The following TCEA2 variants were observed in gnomAD, a reference collection of about 807,000 sequenced individuals.
The protein encoded by TCEA2 is transcription elongation factor A2.
TCEA2 carries 21 observed loss-of-function variants against 40.8 expected under a neutral mutation model. The observed-to-expected ratio is 0.51, with a 90% CI of 0.36 to 0.74. TCEA2 has a LOEUF of 0.74. Among genes scored for constraint, TCEA2 ranks in the 30% least tolerant of loss-of-function variants. TCEA2 has a pLI of 0.00. For synonymous variants in TCEA2, 165 were observed against 162.7 expected (o/e 1.01, Z -0.11); for missense variants, 326 against 426.5 (o/e 0.76, Z 2.08).
At chr20:64,059,740 G>C (rs774538256), upstream of TCEA2, among the ~76,000 whole-genome samples, 3 of 152,166 alleles carry the variant, frequency 2.0e-5, no homozygotes, top group African/African-American at 4.8e-5. Context: ...TACCGTGCTA[G>C]GGGATCTTTG....
Position 64,072,254 on chromosome 20 carries a change from A to G in TCEA2, c.*74A>G. ...CTCCGTTGACACAGCTTCTCTGGAG[A>G]CCCTAGAAGGCGGCATGTCCTGCCC... On this transcript the variant is annotated 3_prime_UTR_variant, in exon 10 of 10. Transcript: ENST00000343484. The G allele has an allele frequency of 6.5e-7, 1 of 1,547,928 alleles. No homozygotes were observed.
At chr20:64,069,545 C>T (rs527764237) in intron 5 of TCEA2, 54 bp downstream of exon 5, 182 of 1,589,280 alleles carry the variant, frequency 1.1e-4, no homozygotes, top group Non-Finnish European at 1.3e-4. Context: ...CAGGGTGGCC[C>T]GGGCCCCTGC....
rs753269642 is a variant in TCEA2, at chr20:64,072,226, G to A, written c.*46G>A. 2.4e-5 allele frequency: 38 copies of A among 1,597,048 alleles called. No homozygotes were observed. Among genetic ancestry groups the A allele is most frequent in the Middle Eastern group, 1.7e-4 (1 of 6,006 alleles). ...CAGCCTTGGGCCCTCCCCGGCCCAC[G>A]TCCTCCGTTGACACAGCTTCTCTGG... On this transcript the variant is annotated 3_prime_UTR_variant, in exon 10 of 10. Transcript: ENST00000343484.
At chr20:64,066,436 G>A (rs758174871) in intron 1 of TCEA2, 40 bp from the exon 2 acceptor site, 4 of 1,607,350 alleles carry the variant, frequency 2.5e-6, no homozygotes, top group Non-Finnish European at 2.6e-6. Flanking sequence ...TGTCTGTTGA[G>A]ATCTAAAGTC....
rs1350951518 is a variant in TCEA2, at chr20:64,066,985, C to T, written c.206C>T (p.Ala69Val). 1 of 1,613,748 alleles carries T rather than the reference C, an allele frequency of 6.2e-7. No homozygotes were observed. Among genetic ancestry groups the T allele is most frequent in the Non-Finnish European group, 8.5e-7 (1 of 1,179,866 alleles). The change falls in exon 3 of 10, where the codon GCC (alanine) becomes GTC (valine). Residue 69 changes from alanine to valine, a missense_variant. Physicochemically the swap from Ala to Val is moderately conservative, Grantham distance 64. Transcript: ENST00000343484. ...QSSDEEVIAL[A>V]KSLIKSWKKL... ...TCGGATGAGGAGGTCATTGCACTGGCCAAGTCTCTCATCAAGTCCTGGAAG... is the reference window on the plus strand; with the variant it reads ...TCGGATGAGGAGGTCATTGCACTGGTCAAGTCTCTCATCAAGTCCTGGAAG...
Position 64,072,153 on chromosome 20 carries a change from C to G in TCEA2, c.892-19C>G. 1 of 1,613,562 alleles carries G rather than the reference C, an allele frequency of 6.2e-7. No homozygotes were observed. Among genetic ancestry groups the G allele is most frequent in the Non-Finnish European group, 8.5e-7 (1 of 1,179,754 alleles). On this transcript the variant is annotated intron_variant, in intron 9 of 9. Transcript: ENST00000343484. ...CTCATGTGGCCACAAGGCTGGAGGC[C>G]TCACCCCCTTTCTCGCAGTTCTGCT...
At chr20:64,064,920 T>G (rs1601584753) in intron 1 of TCEA2, among the ~76,000 whole-genome samples, 4 of 84,666 alleles carry the variant, frequency 4.7e-5, no homozygotes, top group Admixed American at 1.8e-4. Context: ...AAGCTGTAGG[T>G]GGGAGAAGCA....
chr20:64,064,199 T>C (rs1411834454), intron 1 of TCEA2: 3 of 152,264 alleles, frequency 2.0e-5, no homozygotes, highest in African/African-American at 4.8e-5. Flanking sequence ...GGTGTGCTTA[T>C]ATAAGAGCCA....
chr20:64,066,124 T>G (rs1442484949), intron 1 of TCEA2: 3 of 196,080 alleles, frequency 1.5e-5, no homozygotes, highest in Non-Finnish European at 2.1e-5. Flanking sequence ...CTCTGAAGCC[T>G]CATGATTGGC....
At chr20:64,058,868 A>G (rs1332516016), upstream of TCEA2, among the ~76,000 whole-genome samples, 1 of 152,124 alleles carries the variant, frequency 6.6e-6, no homozygotes, top group African/African-American at 2.4e-5. This position sits in a 1 kb window ranked among gnomAD's most constrained non-coding sequence, Gnocchi z 6.7. Flanking sequence ...AACTGAACGA[A>G]CGACACCTTT....
At chr20:64,066,351 C>A in intron 1 of TCEA2, 125 bp from the exon 2 acceptor site, 1 of 1,259,276 alleles carries the variant, frequency 7.9e-7, no homozygotes, top group African/African-American at 1.5e-5. Flanking sequence ...ATTTTGGTTT[C>A]TTTTTGACCC....
rs753511707 is a variant in TCEA2, at chr20:64,068,077, G to T, written c.272G>T (p.Gly91Val). The change falls in exon 4 of 10, where the codon GGG becomes GTG. Residue 91 changes from glycine to valine, a missense_variant. Transcript: ENST00000343484. ...DASDAKARER[G>V]RGMPLPTSSR... Reference sequence around the variant, plus strand: ...TCCGATGCCAAAGCCAGGGAGCGGGGGAGGGGCATGCCTCTGCCCACGTCC... The same window carrying T: ...TCCGATGCCAAAGCCAGGGAGCGGGTGAGGGGCATGCCTCTGCCCACGTCC... 1 of 1,608,462 alleles carries T rather than the reference G, an allele frequency of 6.2e-7. No individual in the cohort carries two copies. The highest frequency in any genetic ancestry group is 8.5e-7 in the Non-Finnish European group (1 of 1,177,816).
intron 3 of TCEA2, among the ~76,000 whole-genome samples, 153 bp downstream of exon 3, chr20:64,067,173 C>T (rs1482149591): frequency 6.6e-6 from 1 of 152,184 alleles, no homozygotes; most frequent in African/African-American, 2.4e-5. Flanking sequence ...ATGAAGCGCC[C>T]AGCTTGGGGC....
In TCEA2 at chr20:64,066,518, A is replaced by C; in HGVS notation, c.115A>C (p.Ile39Leu). 6.2e-7 allele frequency: 1 copy of C among 1,613,850 alleles called. No homozygotes were observed. The highest frequency in any genetic ancestry group is 1.3e-5 in the African/African-American group (1 of 75,056). ...GCTGCGGGAGCTGAAGGCCATGCCTATCACGCTGCACCTGCTCCAGGTAGG... is the reference window on the plus strand; with the variant it reads ...GCTGCGGGAGCTGAAGGCCATGCCTCTCACGCTGCACCTGCTCCAGGTAGG... ...DLLRELKAMPITLHLLQSTRV... is the reference protein window; with the variant it reads ...DLLRELKAMPLTLHLLQSTRV... The change falls in exon 2 of 10, where the codon ATC (isoleucine) becomes CTC (leucine). Residue 39 changes from isoleucine (I) to leucine (L), a missense_variant. Ile to Leu is a conservative substitution (Grantham distance 5, BLOSUM62 2). Coordinates refer to ENST00000343484, the MANE Select transcript of TCEA2 (RefSeq NM_003195.6).
intron 1 of TCEA2, among the ~76,000 whole-genome samples, chr20:64,057,909 G>A (rs1016761047): frequency 3.9e-5 from 6 of 152,140 alleles, no homozygotes; most frequent in African/African-American, 1.4e-4. Context: ...GTGGGGTGGT[G>A]GTGAAGTGAG....
At chr20:64,066,196 C>A in intron 1 of TCEA2, 1 of 359,046 alleles carries the variant, frequency 2.8e-6, no homozygotes. Flanking sequence ...ACAACGAAGT[C>A]AGTGAGGTCA....
At position 64,072,207 on chromosome 20, in the gene TCEA2, T is replaced by TG. The variant is rs751241256; in HGVS notation, c.*30dup. ...CCCTCGTGTAGATGTGCTGCAGCCT[T>TG]GGGCCCTCCCCGGCCCACGTCCTCC... On this transcript the variant is annotated 3_prime_UTR_variant, in exon 10 of 10. Coordinates refer to ENST00000343484, the MANE Select transcript of TCEA2 (RefSeq NM_003195.6). 4 of 1,607,322 alleles carry TG rather than the reference T, an allele frequency of 2.5e-6. No individual in the cohort carries two copies. Among genetic ancestry groups the TG allele is most frequent in the Non-Finnish European group, 3.4e-6 (4 of 1,175,098 alleles).
At chr20:64,063,111 G>T, upstream of TCEA2, 1 of 315,970 alleles carries the variant, frequency 3.2e-6, no homozygotes, top group Admixed American at 5.2e-5. Context: ...GGCGCGGCGG[G>T]CGCGGCAGGC....
intron 1 of TCEA2, 49 bp downstream of exon 1, chr20:64,063,433 C>T: frequency 6.5e-7 from 1 of 1,532,932 alleles, no homozygotes; most frequent in Non-Finnish European, 8.8e-7. Context: ...CCCGCCGAGA[C>T]CCCGTCGAGC....
Sources: allele counts gnomAD v4.1 joint callset (sites outside exome capture counted in the v4.1 genomes callset), GRCh38; gene constraint gnomAD v4.1.1; non-coding constraint Gnocchi (gnomAD v3.1); transcripts MANE v1.5; gene names NCBI Gene and HGNC (gene_info 2026-07-23, HGNC 2026-07-21).